MECOM: variants seen among roughly 807,000 people sequenced by gnomAD.
MECOM encodes the protein histone-lysine N-methyltransferase MECOM.
A neutral mutation model predicts 116.3 loss-of-function variants in MECOM; 13 were observed. The ratio of observed to expected loss-of-function variants is 0.11; its 90% CI spans 0.07 to 0.18. MECOM has a LOEUF of 0.18. Ranked by LOEUF, MECOM falls within the 10% of genes least tolerant of loss-of-function variation. The pLI, the probability that MECOM is intolerant of heterozygous loss-of-function variation, is 1.00. For synonymous variants in MECOM, 528 were observed against 535.2 expected, an observed-to-expected ratio of 0.99 and a Z score of 0.19; for missense variants, 1,299 against 1,509.0, an observed-to-expected ratio of 0.86 and a Z score of 2.31.
chr3:169,495,785 A>C (rs1753733823), intron 1 of MECOM, among the ~76,000 whole-genome samples: 1 of 152,228 alleles, frequency 6.6e-6, no homozygotes, highest in Non-Finnish European at 1.5e-5. Flanking sequence ...TACTTACAGA[A>C]GGCAGCATGG....
chr3:169,306,780 T>C (rs1408488022), intron 2 of MECOM, among the ~76,000 whole-genome samples: 6 of 152,210 alleles, frequency 3.9e-5, no homozygotes, highest in Non-Finnish European at 7.3e-5. Context: ...TGGCTGTATA[T>C]GTCTGTCATC....
chr3:169,370,495 G>A (rs1212653682), intron 2 of MECOM, among the ~76,000 whole-genome samples: 1 of 151,486 alleles, frequency 6.6e-6, no homozygotes, highest in Non-Finnish European at 1.5e-5. Context: ...GACCCCAAAA[G>A]CATAGGCAAT....
chr3:169,251,077 A>G (rs993247981), intron 2 of MECOM, among the ~76,000 whole-genome samples: 6 of 152,354 alleles, frequency 3.9e-5, no homozygotes, highest in Admixed American at 6.5e-5. Flanking sequence ...AGGATGAGGC[A>G]ACAGTTGCTT....
chr3:169,607,763 T>C (rs1354819125), intron 1 of MECOM, among the ~76,000 whole-genome samples: 1 of 152,228 alleles, frequency 6.6e-6, no homozygotes, highest in African/African-American at 2.4e-5. Flanking sequence ...CCTGAATGCG[T>C]CTATGTCATG....
chr3:169,256,071 TTC>T (rs1756831787), intron 2 of MECOM, among the ~76,000 whole-genome samples: 1 of 152,212 alleles, frequency 6.6e-6, no homozygotes, highest in Admixed American at 6.5e-5. Context: ...TTTTCTAGAA[TTC>T]TGTCAGAAAA....
At chr3:169,603,360 C>T (rs1250559270) in intron 1 of MECOM, among the ~76,000 whole-genome samples, 2 of 152,016 alleles carry the variant, frequency 1.3e-5, no homozygotes, top group Admixed American at 6.5e-5. Flanking sequence ...GCTGTTAGCA[C>T]AGGAGTCAAA....
At position 169,485,946 on chromosome 3, in the gene MECOM, T is replaced by TATATATAGTATACATATGTAC. The variant is rs1560340466; in HGVS notation, c.38-104423_38-104422insGTACATATGTATACTATATAT. ...ATAGTATATATAGTATATATGTATG[T>TATATATAGTATACATATGTAC]ATATATGTACATATATACTATATAT... On this transcript the variant is annotated intron_variant, in intron 1 of 16. Transcript: ENST00000651503. Among the ~76,000 whole-genome samples the TATATATAGTATACATATGTAC allele has an allele frequency of 6.7e-3, 584 of 86,776 alleles. 60 individuals carry two copies. The highest frequency in any genetic ancestry group is 0.027 in the African/African-American group (560 of 20,594). 56.9% of individuals were successfully genotyped at this position (86,776 alleles called of 152,430 possible).
intron 2 of MECOM, among the ~76,000 whole-genome samples, chr3:169,246,915 T>C (rs1017863360): frequency 1.3e-5 from 2 of 152,198 alleles, no homozygotes; most frequent in African/African-American, 4.8e-5. Context: ...TGAAAGACAA[T>C]GGATTGGGTC....
At chr3:169,455,075 CATGTGAATGAAACAATT>C (rs1223169619) in intron 1 of MECOM, among the ~76,000 whole-genome samples, 1 of 152,084 alleles carries the variant, frequency 6.6e-6, no homozygotes, top group Admixed American at 6.6e-5. Context: ...GACACATCAT[CATGTGAATGAAACAATT>C]ACACAATCTA....
chr3:169,660,991 C>T (rs1329033268), intron 1 of MECOM, among the ~76,000 whole-genome samples: 2 of 152,102 alleles, frequency 1.3e-5, no homozygotes, highest in African/African-American at 4.8e-5. Context: ...TCCTTAGAGA[C>T]CCTGGGGACA....
intron 1 of MECOM, among the ~76,000 whole-genome samples, chr3:169,604,928 G>A (rs1180815201): frequency 2.0e-5 from 3 of 152,120 alleles, no homozygotes; most frequent in Non-Finnish European, 4.4e-5. Context: ...CATACCCATC[G>A]CAGCATGAAT....
intron 1 of MECOM, among the ~76,000 whole-genome samples, chr3:169,394,948 T>C (rs895842165): frequency 2.6e-5 from 4 of 152,202 alleles, no homozygotes; most frequent in African/African-American, 9.6e-5. Context: ...GCTTGGCTGA[T>C]GAAAAACCAG....
At chr3:169,444,404 G>A (rs906676144) in intron 1 of MECOM, among the ~76,000 whole-genome samples, 1 of 152,122 alleles carries the variant, frequency 6.6e-6, no homozygotes, top group Non-Finnish European at 1.5e-5. Flanking sequence ...ATTGAATCAT[G>A]GGGGCTGGTC....
intron 1 of MECOM, among the ~76,000 whole-genome samples, chr3:169,632,579 A>G (rs944134885): frequency 3.3e-5 from 5 of 152,224 alleles, no homozygotes; most frequent in Admixed American, 2.0e-4. Flanking sequence ...CCAAGACCAC[A>G]TACAAGAGGT....
chr3:169,146,324 G>A, intron 2 of MECOM: 3 of 1,287,322 alleles, frequency 2.3e-6, no homozygotes, highest in Non-Finnish European at 3.0e-6. Flanking sequence ...GGCCGAGAGC[G>A]GCTCCAAAGT....
At chr3:169,151,228 C>T (rs1373566185) in intron 2 of MECOM, among the ~76,000 whole-genome samples, 2 of 152,170 alleles carry the variant, frequency 1.3e-5, no homozygotes, top group Non-Finnish European at 2.9e-5. Flanking sequence ...GATGAAATGA[C>T]TGCACTGTCC....
chr3:169,574,025 G>T (rs1461989462), intron 1 of MECOM, among the ~76,000 whole-genome samples: 1 of 152,094 alleles, frequency 6.6e-6, no homozygotes, highest in African/African-American at 2.4e-5. Context: ...CAAAACAAAT[G>T]CATTTTGTAT....
chr3:169,088,710 A>C (rs1157264066), intron 16 of MECOM, among the ~76,000 whole-genome samples: 2 of 152,208 alleles, frequency 1.3e-5, no homozygotes, highest in African/African-American at 4.8e-5. Context: ...AACATGATGA[A>C]CTAACTGTAC....
chr3:169,375,194 A>G (rs754066136), intron 2 of MECOM, among the ~76,000 whole-genome samples: 10 of 152,120 alleles, frequency 6.6e-5, no homozygotes, highest in South Asian at 6.2e-4. Context: ...GGAAATTTGT[A>G]ACACTAAATG....
Sources: allele counts gnomAD v4.1 joint callset (sites outside exome capture counted in the v4.1 genomes callset), GRCh38; gene constraint gnomAD v4.1.1; transcripts MANE v1.5; gene names NCBI Gene and HGNC (gene_info 2026-07-23, HGNC 2026-07-21).